Variants in ZDHHC13 observed in about 807,000 individuals in gnomAD.
ZDHHC13 encodes the protein palmitoyltransferase ZDHHC13.
A neutral mutation model predicts 86.0 loss-of-function variants in ZDHHC13; 85 were observed. The ratio of observed to expected loss-of-function variants is 0.99; its 90% CI spans 0.83 to 1.18. The LOEUF is 1.18. Ranked by LOEUF, ZDHHC13 falls within the 50% of genes most tolerant of loss-of-function variation. The pLI is 0.00. For synonymous variants in ZDHHC13, 263 were observed against 246.4 expected, an observed-to-expected ratio of 1.07 and a Z score of -0.63; for missense variants, 711 against 730.2, an observed-to-expected ratio of 0.97 and a Z score of 0.30.
At chr11:19,151,501 A>G (rs1247966969) in intron 6 of ZDHHC13, among the ~76,000 whole-genome samples, 2 of 152,016 alleles carry the variant, frequency 1.3e-5, no homozygotes, top group Non-Finnish European at 2.9e-5. Context: ...TGGAGGTAGA[A>G]TTTTATTAAA....
At chr11:19,163,788 T>C (rs1395133146) in intron 11 of ZDHHC13, among the ~76,000 whole-genome samples, 1 of 152,154 alleles carries the variant, frequency 6.6e-6, no homozygotes, top group Admixed American at 6.5e-5. Context: ...CTTCTGCTTA[T>C]TGGCTGAGGA....
intron 2 of ZDHHC13, among the ~76,000 whole-genome samples, chr11:19,145,807 T>G (rs536307735): frequency 6.6e-6 from 1 of 152,352 alleles, no homozygotes; most frequent in South Asian, 2.1e-4. Context: ...TCTTTATCCC[T>G]TATTGTGAGA....
At position 19,152,544 on chromosome 11, in the gene ZDHHC13, C is replaced by A; in HGVS notation, c.748-15C>A. 1 of 1,584,896 alleles carries A rather than the reference C, an allele frequency of 6.3e-7. No individual in the cohort carries two copies. Among genetic ancestry groups the A allele is most frequent in the South Asian group, 1.2e-5 (1 of 85,660 alleles). On this transcript the variant is annotated splice_polypyrimidine_tract_variant and intron_variant, in intron 7 of 16. Transcript: ENST00000446113. ...TAAAAATACTTTTAAACTTTTTACC[C>A]TACTCTTTTTTAAGGGAGAAACACC... is the stretch of plus-strand genomic sequence containing the variant.
chr11:19,175,246 C>T (rs979127898), intron 16 of ZDHHC13, among the ~76,000 whole-genome samples: 4 of 151,386 alleles, frequency 2.6e-5, no homozygotes, highest in Admixed American at 1.3e-4. Context: ...AAAAATTAGC[C>T]GGGTGTGGTG....
chr11:19,138,539 G>C (rs1262393301), intron 1 of ZDHHC13, among the ~76,000 whole-genome samples: 1 of 152,130 alleles, frequency 6.6e-6, no homozygotes, highest in Admixed American at 6.5e-5. Flanking sequence ...TAGAAAAAGA[G>C]GGAATCCTCC....
chr11:19,150,918 A>T lies in ZDHHC13; in HGVS notation c.584+127A>T, dbSNP rs78070388. The T allele has an allele frequency of 2.0e-3, 1,516 of 764,332 alleles. 11 individuals carry two copies. In the African/African-American group the frequency reaches 0.024, roughly 12 times the overall value. The allele number at this position is 764,332 out of a possible 1,614,324, so 47.3% of individuals were successfully genotyped here. On this transcript the variant is annotated intron_variant, in intron 6 of 16. Coordinates refer to ENST00000446113, the MANE Select transcript of ZDHHC13 (RefSeq NM_019028.3). The stretch of plus-strand genomic sequence containing the variant: ...TTGAAGAAAATAAGATTTTTCACAC[A>T]GAGACTGTGATAATTGACTTTTAAG...
At chr11:19,160,050 A>G in intron 10 of ZDHHC13, among the ~76,000 whole-genome samples, 1 of 152,044 alleles carries the variant, frequency 6.6e-6, no homozygotes, top group Non-Finnish European at 1.5e-5. Context: ...AAGAAAGAAC[A>G]GAATGTTTAT....
At position 19,140,262 on chromosome 11, in the gene ZDHHC13, A is replaced by C. The variant is rs1232703043; in HGVS notation, c.28-2716A>C. Among the ~76,000 whole-genome samples, 3 of 152,242 alleles carry C rather than the reference A, an allele frequency of 2.0e-5. No homozygotes were observed. In the East Asian group the frequency reaches 5.8e-4, roughly 29 times the overall value. Reference sequence around the variant, plus strand: ...CATCAAAAAGTGGGCAAAGGACATGAACAGACACTTCTCAAAAGAAGACAT... The same window carrying C: ...CATCAAAAAGTGGGCAAAGGACATGCACAGACACTTCTCAAAAGAAGACAT... On this transcript the variant is annotated intron_variant, in intron 1 of 16. Transcript: ENST00000446113.
intron 1 of ZDHHC13, among the ~76,000 whole-genome samples, chr11:19,133,805 T>C (rs1461112471): frequency 1.3e-5 from 2 of 151,486 alleles, no homozygotes; most frequent in Non-Finnish European, 2.9e-5. Flanking sequence ...TGGTGGAGCA[T>C]AGCATGTGTC....
intron 1 of ZDHHC13, among the ~76,000 whole-genome samples, chr11:19,121,690 A>T (rs886728390): frequency 6.6e-6 from 1 of 152,106 alleles, no homozygotes; most frequent in African/African-American, 2.4e-5. Flanking sequence ...AAGCTTCTTT[A>T]TCCATGTAGT....
chr11:19,146,160 C>CTTTT, intron 2 of ZDHHC13, 21 bp from the exon 3 acceptor site: 1 of 1,429,716 alleles, frequency 7.0e-7, no homozygotes, highest in Non-Finnish European at 9.4e-7. Flanking sequence ...ATCAATTATG[C>CTTTT]TTTTTTTTTT....
chr11:19,164,679 G>A (rs937121422), intron 12 of ZDHHC13: 4 of 419,162 alleles, frequency 9.5e-6, no homozygotes, highest in Non-Finnish European at 1.7e-5. Flanking sequence ...AAACCACTTA[G>A]TGAAACCTCT....
chr11:19,152,204 GT>G lies in ZDHHC13; in HGVS notation c.632del (p.Val211GlyfsTer59), dbSNP rs755918674. ...TTTAAAGTTTAATCCTTCTCTCAAT[GT>G]GGTTGATAAAATACACCAAAACACT... The part of the protein sequence containing the change: ...FLLKFNPSLN[V>X]VDKIHQNTPL... On this transcript the variant is annotated frameshift_variant, in exon 7 of 17. Transcript: ENST00000446113. LOFTEE classifies it high-confidence loss of function. 1 of 1,613,296 alleles carries G rather than the reference GT, an allele frequency of 6.2e-7. No homozygotes were observed. The highest frequency in any genetic ancestry group is 1.7e-5 in the Admixed American group (1 of 59,990).
intron 16 of ZDHHC13, among the ~76,000 whole-genome samples, chr11:19,174,554 G>A (rs894842537): frequency 5.3e-5 from 8 of 152,244 alleles, no homozygotes; most frequent in Non-Finnish European, 1.0e-4. Context: ...TCATGGACAG[G>A]TGTGTTTTGT....
At chr11:19,143,653 C>T (rs979832395) in intron 2 of ZDHHC13, among the ~76,000 whole-genome samples, 10 of 152,218 alleles carry the variant, frequency 6.6e-5, no homozygotes, top group Non-Finnish European at 1.5e-4. Flanking sequence ...AATATGTTCT[C>T]TGACCACTTG....
chr11:19,138,908 G>A (rs1240925987), intron 1 of ZDHHC13, among the ~76,000 whole-genome samples: 24 of 151,132 alleles, frequency 1.6e-4, no homozygotes, highest in Middle Eastern at 3.2e-3. Context: ...TTGATGGGAC[G>A]TATCTCAAAA....
At chr11:19,136,954 GC>G (rs1439237185) in intron 1 of ZDHHC13, among the ~76,000 whole-genome samples, 3 of 152,122 alleles carry the variant, frequency 2.0e-5, no homozygotes, top group African/African-American at 7.2e-5. Flanking sequence ...ACCAGCCGCT[GC>G]AAAATCATGC....
At chr11:19,126,196 G>T (rs973059118) in intron 1 of ZDHHC13, among the ~76,000 whole-genome samples, 1 of 152,018 alleles carries the variant, frequency 6.6e-6, no homozygotes, top group Non-Finnish European at 1.5e-5. Context: ...TGTCATGGGG[G>T]TTTGTTGTAT....
intron 10 of ZDHHC13, 76 bp from the exon 11 acceptor site, chr11:19,163,226 CA>C: frequency 6.9e-7 from 1 of 1,442,526 alleles, no homozygotes. Flanking sequence ...TCTTAGGTGC[CA>C]ATGATGAAAT....
Sources: gnomAD v4.1 joint callset for allele counts (sites outside exome capture counted in the v4.1 genomes callset) on GRCh38, gnomAD v4.1.1 for gene constraint, MANE v1.5 for transcripts, NCBI Gene and HGNC (gene_info 2026-07-23, HGNC 2026-07-21) for gene names.